The following ASTN2 variants were observed in gnomAD, a reference collection of about 807,000 sequenced individuals.
ASTN2 encodes astrotactin 2, also known as astrotactin-2.
A neutral mutation model predicts 139.8 loss-of-function variants in ASTN2; 54 were observed. The ratio of observed to expected loss-of-function variants is 0.39; its 90% CI spans 0.31 to 0.48. The LOEUF (loss-of-function observed/expected upper bound fraction) is 0.48. ASTN2 is among the 20% of genes least tolerant of loss of function. The probability of loss-of-function intolerance (pLI) is 0.95; values close to 1 mark genes in which losing one functional copy is unlikely to be tolerated. For missense variants in ASTN2, 1,565 were observed against 1,725.1 expected, an observed-to-expected ratio of 0.91 and a Z score of 1.64; for synonymous variants, 756 against 719.5, an observed-to-expected ratio of 1.05 and a Z score of -0.81.
intron 16 of ASTN2, among the ~76,000 whole-genome samples, chr9:116,693,978 G>A (rs1188669036): frequency 2.6e-5 from 4 of 152,112 alleles, no homozygotes. Context: ...TGGGAAAAGT[G>A]GTTCTGGCTT....
chr9:116,559,810 G>C (rs1852815299), intron 19 of ASTN2, among the ~76,000 whole-genome samples: 1 of 152,200 alleles, frequency 6.6e-6, no homozygotes, highest in Non-Finnish European at 1.5e-5. Flanking sequence ...TTTGACTTAA[G>C]AACCTGTATT....
intron 1 of ASTN2, among the ~76,000 whole-genome samples, chr9:117,383,237 G>A (rs1321638561): frequency 6.6e-6 from 1 of 152,166 alleles, no homozygotes; most frequent in Non-Finnish European, 1.5e-5. Context: ...AAGAGGCAAT[G>A]AGCCATATTT....
intron 13 of ASTN2, among the ~76,000 whole-genome samples, chr9:116,794,358 A>C (rs1180372628): frequency 3.3e-5 from 5 of 152,110 alleles, no homozygotes; most frequent in Non-Finnish European, 5.9e-5. Context: ...TCGGCCTCCC[A>C]AAGTGCTGGG....
chr9:116,493,071 G>C (rs754913636), intron 19 of ASTN2, among the ~76,000 whole-genome samples: 1 of 152,088 alleles, frequency 6.6e-6, no homozygotes, highest in Non-Finnish European at 1.5e-5. Flanking sequence ...TTGAATTCCA[G>C]AACTGTGCTG....
intron 2 of ASTN2, among the ~76,000 whole-genome samples, chr9:117,233,035 C>G (rs1354616352): frequency 6.6e-6 from 1 of 152,162 alleles, no homozygotes; most frequent in Non-Finnish European, 1.5e-5. Context: ...TGGAGCTCCT[C>G]TCTTTGCTGT....
At chr9:117,130,288 G>A (rs1213667353) in intron 4 of ASTN2, among the ~76,000 whole-genome samples, 1 of 152,196 alleles carries the variant, frequency 6.6e-6, no homozygotes, top group Non-Finnish European at 1.5e-5. Context: ...CAGCCTGGGT[G>A]ACAGTAAGAT....
At chr9:117,314,855 C>T (rs183284821) in intron 1 of ASTN2, among the ~76,000 whole-genome samples, 416 of 143,872 alleles carry the variant, frequency 2.9e-3, no homozygotes, top group South Asian at 6.9e-3. Flanking sequence ...TATAAGTATA[C>T]GTAATATTAT....
chr9:116,561,925 G>A (rs1852934343), intron 19 of ASTN2: 1 of 152,104 alleles, frequency 6.6e-6, no homozygotes, highest in South Asian at 2.1e-4. Flanking sequence ...ATTCCTTTAG[G>A]AATTCCCTAA....
intron 3 of ASTN2, among the ~76,000 whole-genome samples, chr9:117,146,410 C>T (rs1479712954): frequency 1.3e-5 from 2 of 149,812 alleles, no homozygotes. Context: ...AGGAAGAAAG[C>T]CCTGGTCCCC....
At chr9:117,303,448 A>C (rs1834924015) in intron 1 of ASTN2, among the ~76,000 whole-genome samples, 1 of 152,068 alleles carries the variant, frequency 6.6e-6, no homozygotes, top group Non-Finnish European at 1.5e-5. Flanking sequence ...ACCTTGTTTT[A>C]CCTGTCCCCT....
At chr9:117,150,730 T>C (rs572400937) in intron 3 of ASTN2, among the ~76,000 whole-genome samples, 23 of 152,286 alleles carry the variant, frequency 1.5e-4, no homozygotes, top group African/African-American at 5.1e-4. Context: ...GACCTCATTC[T>C]GTCACCCAGA....
chr9:117,120,602 G>A (rs1354926331), intron 4 of ASTN2, among the ~76,000 whole-genome samples: 1 of 152,168 alleles, frequency 6.6e-6, no homozygotes, highest in Non-Finnish European at 1.5e-5. Context: ...CCTAGGTGTA[G>A]CTCACAGTGG....
At chr9:117,269,616 A>G (rs550942391) in intron 2 of ASTN2, among the ~76,000 whole-genome samples, 1 of 152,336 alleles carries the variant, frequency 6.6e-6, no homozygotes, top group Admixed American at 6.5e-5. Context: ...TGGAAAGAGC[A>G]GAACACACTG....
intron 19 of ASTN2, among the ~76,000 whole-genome samples, chr9:116,580,685 G>T (rs969025739): frequency 6.6e-6 from 1 of 152,074 alleles, no homozygotes; most frequent in African/African-American, 2.4e-5. Flanking sequence ...CACTTAATGG[G>T]TTTTTTTGGC....
At chr9:117,275,564 CTTT>C (rs57767279) in intron 2 of ASTN2, among the ~76,000 whole-genome samples, 1 of 119,186 alleles carries the variant, frequency 8.4e-6, no homozygotes, top group Non-Finnish European at 1.7e-5. Context: ...ATCTCTCCCT[CTTT>C]TTTTTTTTTT....
intron 4 of ASTN2, among the ~76,000 whole-genome samples, chr9:117,128,082 C>T (rs1010403895): frequency 2.0e-5 from 3 of 152,086 alleles, no homozygotes; most frequent in Admixed American, 6.6e-5. Flanking sequence ...TGTCTTCTTG[C>T]ACTGAGTCAG....
chr9:116,583,506 T>C (rs563296176), intron 19 of ASTN2: 2 of 152,138 alleles, frequency 1.3e-5, no homozygotes, highest in Admixed American at 1.3e-4. Flanking sequence ...TCTGTACATG[T>C]GCTGGTTAGG....
intron 1 of ASTN2, among the ~76,000 whole-genome samples, chr9:117,329,033 A>G (rs1828613275): frequency 1.3e-5 from 2 of 152,168 alleles, no homozygotes; most frequent in South Asian, 4.1e-4. Context: ...CTCTTGCTGT[A>G]GAAGCAAAGT....
chr9:116,672,806 CTGGG>C (rs1859278518), intron 16 of ASTN2, among the ~76,000 whole-genome samples: 1 of 152,192 alleles, frequency 6.6e-6, no homozygotes, highest in South Asian at 2.1e-4. Flanking sequence ...ACCCTTCCAA[CTGGG>C]TGGTGTTGGG....
Sources: gnomAD v4.1 joint callset for allele counts (sites outside exome capture counted in the v4.1 genomes callset) on GRCh38, gnomAD v4.1.1 for gene constraint, MANE v1.5 for transcripts, NCBI Gene and HGNC (gene_info 2026-07-23, HGNC 2026-07-21) for gene names.